The following TRPC5 variants were observed in gnomAD, a reference collection of about 807,000 sequenced individuals.
The protein encoded by TRPC5 is short transient receptor potential channel 5.
A neutral mutation model predicts 56.5 loss-of-function variants in TRPC5; 9 were observed. That is an observed-to-expected ratio of 0.16 (90% CI 0.10 to 0.28). The LOEUF is 0.28. Among genes scored for constraint, TRPC5 ranks in the 10% least tolerant of loss-of-function variants. TRPC5 has a pLI of 1.00. For missense variants in TRPC5, 469 were observed against 748.9 expected (o/e 0.63, Z 4.36); for synonymous variants, 282 against 278.5 (o/e 1.01, Z -0.13).
At chrX:111,992,571 G>C (rs1482819984) in intron 1 of TRPC5, among the ~76,000 whole-genome samples, 1 of 106,343 alleles carries the variant, frequency 9.4e-6, no homozygotes, top group East Asian at 2.9e-4. Flanking sequence ...CTGAAATATG[G>C]GAATTGTTTT....
intron 1 of TRPC5, among the ~76,000 whole-genome samples, chrX:111,974,256 T>C (rs920990858): frequency 6.3e-5 from 7 of 111,826 alleles, no homozygotes; most frequent in Admixed American, 1.9e-4. Flanking sequence ...TTCCAGGTCA[T>C]GGTTCAGGGA....
chrX:111,799,293 C>T (rs753342581), intron 7 of TRPC5, among the ~76,000 whole-genome samples: 4 of 111,415 alleles, frequency 3.6e-5, no homozygotes, highest in Non-Finnish European at 5.6e-5. Flanking sequence ...CAATGAGAAC[C>T]CTTTTTCTGG....
chrX:111,855,509 C>A (rs764452136), intron 3 of TRPC5, among the ~76,000 whole-genome samples: 1 of 111,820 alleles, frequency 8.9e-6, no homozygotes, highest in Non-Finnish European at 1.9e-5. Flanking sequence ...TGGACTGTTA[C>A]GTCACGGAGA....
intron 7 of TRPC5, among the ~76,000 whole-genome samples, chrX:111,787,441 A>G (rs1945976508): frequency 9.0e-6 from 1 of 111,596 alleles, no homozygotes; most frequent in South Asian, 3.7e-4. Context: ...CTAAATGCCC[A>G]CAAGAGAAAG....
At chrX:111,792,067 T>A (rs1946026225) in intron 7 of TRPC5, among the ~76,000 whole-genome samples, 1 of 112,010 alleles carries the variant, frequency 8.9e-6, no homozygotes, top group Non-Finnish European at 1.9e-5. Context: ...CAAATGCCCA[T>A]CAATGATGGA....
intron 7 of TRPC5, among the ~76,000 whole-genome samples, chrX:111,800,668 C>G (rs189575067): frequency 1.7e-3 from 183 of 109,612 alleles, no homozygotes; most frequent in African/African-American, 5.8e-3. Flanking sequence ...GCAGGAGACT[C>G]GCTTGTACAC....
intron 3 of TRPC5, among the ~76,000 whole-genome samples, chrX:111,883,287 T>C (rs1340280236): frequency 9.0e-6 from 1 of 111,444 alleles, no homozygotes; most frequent in African/African-American, 3.3e-5. Context: ...AGTCAGAGCC[T>C]AGTTAAGTTC....
At position 111,970,994 on chromosome X, in the gene TRPC5, G is replaced by A. The variant is rs1193632114; in HGVS notation, c.-21-18553C>T. Among the ~76,000 whole-genome samples the A allele has an allele frequency of 2.7e-5, 3 of 110,496 alleles. No individual in the cohort carries two copies. In the South Asian group the frequency reaches 1.2e-3, roughly 43 times the overall value. On this transcript the variant is annotated intron_variant, in intron 1 of 10. Coordinates refer to ENST00000262839, the MANE Select transcript of TRPC5 (RefSeq NM_012471.3). ...GGGGTTTCACCGTGTTAGCCAGGAT[G>A]GTCTCGATCTCCTGACCTCGTGATC...
chrX:111,973,573 A>G (rs750199757), intron 1 of TRPC5, among the ~76,000 whole-genome samples: 1 of 111,743 alleles, frequency 8.9e-6, no homozygotes, highest in African/African-American at 3.2e-5. Flanking sequence ...CTCCTTGCAT[A>G]CTGGCTTATA....
Position 111,990,992 on chromosome X carries a change from C to T in TRPC5, c.-21-38551G>A, listed in dbSNP as rs761596175. ...CAAGGGCTTGTCTGAAATTAAAAGA[C>T]CCAGACATCCGATTGCCACTGAATG... On this transcript the variant is annotated intron_variant, in intron 1 of 10. Transcript: ENST00000262839. Among the ~76,000 whole-genome samples, 5 of 112,162 alleles carry T rather than the reference C, an allele frequency of 4.5e-5. No individual in the cohort carries two copies. The South Asian group carries it at 1.9e-3, about 42-fold the overall frequency.
chrX:111,897,836 A>G (rs760581840), intron 3 of TRPC5, among the ~76,000 whole-genome samples: 1 of 111,526 alleles, frequency 9.0e-6, no homozygotes, highest in Non-Finnish European at 1.9e-5. Flanking sequence ...TACAACTTCT[A>G]TAGCTATTCT....
chrX:112,018,623 T>C (rs1929189526), intron 1 of TRPC5, among the ~76,000 whole-genome samples: 1 of 112,484 alleles, frequency 8.9e-6, no homozygotes, highest in African/African-American at 3.2e-5. Flanking sequence ...GCCTTGATGG[T>C]TAAAAGGACC....
chrX:111,822,116 C>T (rs967369790), intron 7 of TRPC5, among the ~76,000 whole-genome samples: 12 of 111,572 alleles, frequency 1.1e-4, no homozygotes, highest in African/African-American at 3.6e-4. Flanking sequence ...ACTATTACAC[C>T]GACCTGATTC....
chrX:111,877,807 G>A (rs371758305), intron 3 of TRPC5, among the ~76,000 whole-genome samples: 2 of 111,424 alleles, frequency 1.8e-5, no homozygotes, highest in South Asian at 7.7e-4. Flanking sequence ...ACCTATGTAG[G>A]TTGGCTGTAA....
chrX:111,833,449 C>T (rs1014014181), intron 7 of TRPC5, among the ~76,000 whole-genome samples: 1 of 111,084 alleles, frequency 9.0e-6, no homozygotes, highest in East Asian at 2.8e-4. Flanking sequence ...CCACTACACT[C>T]CTCTCCCTTC....
intron 1 of TRPC5, among the ~76,000 whole-genome samples, chrX:112,066,383 G>A (rs747080735): frequency 8.9e-6 from 1 of 112,021 alleles, no homozygotes; most frequent in East Asian, 2.8e-4. Flanking sequence ...ACGGTGTACG[G>A]TGGTGAACCA....
intron 1 of TRPC5, among the ~76,000 whole-genome samples, chrX:111,972,767 C>T (rs1927819297): frequency 8.9e-6 from 1 of 112,188 alleles, no homozygotes; most frequent in South Asian, 3.7e-4. Context: ...ATCTTGAACT[C>T]ATCAAAAGTG....
In TRPC5 at chrX:111,771,247, C is replaced by G. The variant is rs1603020362; in HGVS notation, c.*5066G>C. Among the ~76,000 whole-genome samples, 1 of 111,951 alleles carries G rather than the reference C, an allele frequency of 8.9e-6. No homozygotes were observed. The highest frequency in any genetic ancestry group is 2.8e-4 in the East Asian group (1 of 3,557). On this transcript the variant is annotated 3_prime_UTR_variant, in exon 11 of 11. Coordinates refer to ENST00000262839, the MANE Select transcript of TRPC5 (RefSeq NM_012471.3). ...TTATTTGTGTAGTAACAGGAAGCCTCTAGAGCTTTCACATCTTTTCACATC... is the reference window on the plus strand; with the variant it reads ...TTATTTGTGTAGTAACAGGAAGCCTGTAGAGCTTTCACATCTTTTCACATC...
chrX:111,844,400 T>G (rs1751311073), intron 6 of TRPC5, among the ~76,000 whole-genome samples: 1 of 110,945 alleles, frequency 9.0e-6, no homozygotes, highest in African/African-American at 3.3e-5. Flanking sequence ...GGACAATGAG[T>G]TTCCCTTAAA....
Sources: gnomAD v4.1 joint callset for allele counts (sites outside exome capture counted in the v4.1 genomes callset) on GRCh38, gnomAD v4.1.1 for gene constraint, MANE v1.5 for transcripts, NCBI Gene and HGNC (gene_info 2026-07-23, HGNC 2026-07-21) for gene names.